Variants in CSMD1 observed in about 807,000 individuals in gnomAD.
CSMD1 encodes CUB and Sushi multiple domains 1.
CSMD1 carries 213 observed loss-of-function variants against 417.5 expected under a neutral mutation model. The observed-to-expected ratio is 0.51, with a 90% confidence interval of 0.46 to 0.57. The LOEUF is 0.57. Among genes scored for constraint, CSMD1 ranks in the 20% least tolerant of loss-of-function variants. CSMD1 has a pLI of 0.00. For synonymous variants in CSMD1, 2,862 were observed against 1,736.8 expected, an observed-to-expected ratio of 1.65 and a Z score of -16.11; for missense variants, 6,923 against 4,529.7, an observed-to-expected ratio of 1.53 and a Z score of -15.17.
chr8:3,961,511 T>C (rs2129983684), intron 5 of CSMD1, among the ~76,000 whole-genome samples: 1 of 152,320 alleles, frequency 6.6e-6, no homozygotes, highest in South Asian at 2.1e-4. Context: ...ATTAAGATTT[T>C]GTTCTTGCTT....
intron 2 of CSMD1, among the ~76,000 whole-genome samples, chr8:4,514,057 A>G (rs1802975556): frequency 6.6e-6 from 1 of 152,142 alleles, no homozygotes; most frequent in African/African-American, 2.4e-5. Flanking sequence ...GGTAGCTTAA[A>G]CAACAAAATT....
chr8:3,589,024 G>C (rs1006209847), intron 8 of CSMD1, among the ~76,000 whole-genome samples: 7 of 152,056 alleles, frequency 4.6e-5, no homozygotes, highest in African/African-American at 1.7e-4. Flanking sequence ...TAAAACCACA[G>C]TGAGATATCA....
chr8:3,535,886 C>T (rs1798175501), intron 10 of CSMD1, among the ~76,000 whole-genome samples: 1 of 152,128 alleles, frequency 6.6e-6, no homozygotes, highest in Non-Finnish European at 1.5e-5. Flanking sequence ...TCTAGGCTGG[C>T]CACTAAGCTT....
intron 6 of CSMD1, among the ~76,000 whole-genome samples, chr8:3,745,627 G>A (rs556914718): frequency 3.3e-5 from 5 of 152,194 alleles, no homozygotes; most frequent in Admixed American, 1.3e-4. Flanking sequence ...ACTCCACTGA[G>A]ACTCTGAAGC....
intron 2 of CSMD1, among the ~76,000 whole-genome samples, chr8:4,484,237 C>A (rs1028176978): frequency 6.1e-5 from 9 of 148,020 alleles, no homozygotes; most frequent in Admixed American, 3.4e-4. Flanking sequence ...TGATTGTTTT[C>A]AAAAATTCTA....
chr8:4,457,311 T>A (rs1271025284), intron 2 of CSMD1, among the ~76,000 whole-genome samples: 1 of 152,072 alleles, frequency 6.6e-6, no homozygotes, highest in Non-Finnish European at 1.5e-5. Context: ...TAAGACTACT[T>A]TTGAATTTGT....
chr8:3,870,971 A>C lies in CSMD1; in HGVS notation c.819-116929T>G, dbSNP rs1246689056. Among the ~76,000 whole-genome samples, 3 of 150,986 alleles carry C rather than the reference A, an allele frequency of 2.0e-5. No homozygotes were observed. In the Admixed American group the frequency reaches 2.0e-4, roughly 10 times the overall value. ...GTAAATTTTTGTTTTATATTCTTAA[A>C]TATAAGTTAATTTTTTCTCATTCAA... On this transcript the variant is annotated intron_variant, in intron 5 of 69. Coordinates refer to ENST00000635120, the MANE Select transcript of CSMD1 (RefSeq NM_033225.6).
At chr8:3,894,386 T>C (rs1030041088) in intron 5 of CSMD1, among the ~76,000 whole-genome samples, 1 of 152,182 alleles carries the variant, frequency 6.6e-6, no homozygotes, top group Non-Finnish European at 1.5e-5. Context: ...GGGAGACACA[T>C]CCTTCATGGC....
At chr8:4,558,606 C>T (rs959011225) in intron 2 of CSMD1, among the ~76,000 whole-genome samples, 1 of 152,156 alleles carries the variant, frequency 6.6e-6, no homozygotes, top group African/African-American at 2.4e-5. Flanking sequence ...ATGGCTCACA[C>T]CTGTAATCCC....
chr8:3,021,690 C>T (rs1022574019), intron 51 of CSMD1, among the ~76,000 whole-genome samples: 1 of 116,266 alleles, frequency 8.6e-6, no homozygotes, highest in Non-Finnish European at 1.9e-5. Context: ...CCGGAATGCA[C>T]CTGCAATCCC....
At chr8:3,976,314 G>T (rs768698256) in intron 5 of CSMD1, among the ~76,000 whole-genome samples, 4 of 151,904 alleles carry the variant, frequency 2.6e-5, no homozygotes, top group Non-Finnish European at 4.4e-5. Context: ...TTTTCTCATA[G>T]AGTCAATGCG....
chr8:4,070,464 T>G (rs1368731188), intron 3 of CSMD1, among the ~76,000 whole-genome samples: 1 of 152,058 alleles, frequency 6.6e-6, no homozygotes, highest in Non-Finnish European at 1.5e-5. Context: ...TTCACACCAT[T>G]CTCCCACCTC....
At chr8:3,486,891 G>A (rs749477678) in intron 11 of CSMD1, among the ~76,000 whole-genome samples, 19 of 152,124 alleles carry the variant, frequency 1.2e-4, no homozygotes, top group Admixed American at 1.1e-3. Context: ...AACCACACAG[G>A]GTGTCCAGAG....
At chr8:4,413,142 T>C (rs1233937458) in intron 3 of CSMD1, among the ~76,000 whole-genome samples, 1 of 152,180 alleles carries the variant, frequency 6.6e-6, no homozygotes, top group Non-Finnish European at 1.5e-5. Context: ...ATATGGACAG[T>C]CTCACAGTGG....
At chr8:4,290,005 G>A (rs1797273803) in intron 3 of CSMD1, among the ~76,000 whole-genome samples, 1 of 152,160 alleles carries the variant, frequency 6.6e-6, no homozygotes, top group Non-Finnish European at 1.5e-5. Flanking sequence ...TGTGTTATGT[G>A]CTAAGCACTC....
At chr8:4,452,526 AAC>A (rs2129839530) in intron 2 of CSMD1, among the ~76,000 whole-genome samples, 2 of 152,360 alleles carry the variant, frequency 1.3e-5, no homozygotes, top group South Asian at 4.1e-4. Context: ...TCATTAACTC[AAC>A]AATTATAAAA....
intron 5 of CSMD1, among the ~76,000 whole-genome samples, chr8:3,861,981 T>G (rs1001211144): frequency 6.6e-6 from 1 of 152,222 alleles, no homozygotes; most frequent in African/African-American, 2.4e-5. Flanking sequence ...GTGATGAATG[T>G]GTTTATATCT....
intron 5 of CSMD1, 58 bp downstream of exon 5, chr8:3,997,845 G>A: frequency 1.4e-6 from 2 of 1,425,292 alleles, no homozygotes; most frequent in East Asian, 2.4e-5. Context: ...AGCTCGTTGG[G>A]GGAAAAAACG....
chr8:3,923,732 C>G (rs1170298773), intron 5 of CSMD1, among the ~76,000 whole-genome samples: 2 of 152,158 alleles, frequency 1.3e-5, no homozygotes, highest in Admixed American at 6.6e-5. Context: ...TCCTGTCTCA[C>G]TGAAACTTTA....
Sources: gnomAD v4.1 joint callset for allele counts (sites outside exome capture counted in the v4.1 genomes callset) on GRCh38, gnomAD v4.1.1 for gene constraint, MANE v1.5 for transcripts, NCBI Gene and HGNC (gene_info 2026-07-23, HGNC 2026-07-21) for gene names.